The following KIAA1217 variants were observed in gnomAD, a reference collection of about 807,000 sequenced individuals.
The protein encoded by KIAA1217 is sickle tail protein homolog.
In KIAA1217, 88 loss-of-function variants were observed where a neutral mutation model predicts 163.9. The ratio of observed to expected loss-of-function variants is 0.54; its 90% confidence interval spans 0.45 to 0.64. The LOEUF (loss-of-function observed/expected upper bound fraction) is 0.64. Ranked by LOEUF, KIAA1217 falls within the 30% of genes least tolerant of loss-of-function variation. The pLI is 0.00. For synonymous variants in KIAA1217, 903 were observed against 923.1 expected (o/e 0.98, Z 0.39); for missense variants, 2,372 against 2,475.0 (o/e 0.96, Z 0.88).
At chr10:24,239,065 T>G in intron 2 of KIAA1217, 1 of 728,144 alleles carries the variant, frequency 1.4e-6, no homozygotes, top group Non-Finnish European at 1.7e-6. Context: ...AGGGTTTCCA[T>G]GGAGATTTAT....
intron 1 of KIAA1217, among the ~76,000 whole-genome samples, chr10:23,853,816 C>T (rs546585892): frequency 0.013 from 1,960 of 151,994 alleles, 58 homozygotes; most frequent in African/African-American, 0.045. Context: ...GTGTTTATAG[C>T]ATTCTCTGAT....
At chr10:23,776,355 TA>T (rs3067425) in intron 1 of KIAA1217, among the ~76,000 whole-genome samples, 42,399 of 150,646 alleles carry the variant, frequency 0.28, 6,476 homozygotes, top group African/African-American at 0.39. Flanking sequence ...TATATATATA[TA>T]TATTTACAAT....
chr10:23,957,290 C>T (rs1844610351), intron 1 of KIAA1217, among the ~76,000 whole-genome samples: 1 of 152,198 alleles, frequency 6.6e-6, no homozygotes, highest in Non-Finnish European at 1.5e-5. Flanking sequence ...TCGTTTCCTC[C>T]AACAAGCCCT....
intron 1 of KIAA1217, among the ~76,000 whole-genome samples, chr10:23,934,684 T>C (rs1386288938): frequency 6.9e-6 from 1 of 144,506 alleles, no homozygotes; most frequent in Non-Finnish European, 1.5e-5. Context: ...GTGGCACAAT[T>C]TCGGCTCACT....
At chr10:23,932,228 G>C (rs1390293035) in intron 1 of KIAA1217, among the ~76,000 whole-genome samples, 1 of 152,096 alleles carries the variant, frequency 6.6e-6, no homozygotes, top group Non-Finnish European at 1.5e-5. Flanking sequence ...TGGAGAAAGG[G>C]GTTGATATTC....
chr10:23,791,930 T>C (rs376532160), intron 1 of KIAA1217, among the ~76,000 whole-genome samples: 35 of 152,330 alleles, frequency 2.3e-4, no homozygotes, highest in African/African-American at 8.4e-4. Flanking sequence ...TAATTTATAC[T>C]TCCAATTTTA....
intron 1 of KIAA1217, among the ~76,000 whole-genome samples, chr10:23,908,700 T>C (rs1842290532): frequency 6.6e-6 from 1 of 152,130 alleles, no homozygotes; most frequent in Admixed American, 6.6e-5. Flanking sequence ...CACAATGCAG[T>C]ACCACCTTAC....
intron 2 of KIAA1217, among the ~76,000 whole-genome samples, chr10:24,082,703 C>T (rs1467521926): frequency 1.3e-5 from 2 of 152,180 alleles, no homozygotes; most frequent in Non-Finnish European, 2.9e-5. Flanking sequence ...CTGCAATGAA[C>T]ATATGTGTGC....
chr10:24,213,987 C>CAA (rs5783880), intron 1 of KIAA1217, among the ~76,000 whole-genome samples: 237 of 150,566 alleles, frequency 1.6e-3, no homozygotes, highest in African/African-American at 5.4e-3. Context: ...CCCATCTCTA[C>CAA]AAAAAAAAAT....
chr10:24,103,826 A>G (rs1589510450), intron 2 of KIAA1217, among the ~76,000 whole-genome samples: 1 of 152,340 alleles, frequency 6.6e-6, no homozygotes, highest in Non-Finnish European at 1.5e-5. Context: ...CTTACTTTCA[A>G]GCAACAGTAA....
At chr10:23,986,647 A>G (rs1289469719) in intron 1 of KIAA1217, among the ~76,000 whole-genome samples, 4 of 152,168 alleles carry the variant, frequency 2.6e-5, no homozygotes, top group African/African-American at 4.8e-5. Flanking sequence ...CTGTGAATAC[A>G]GAAGGCCAAC....
intron 2 of KIAA1217, among the ~76,000 whole-genome samples, chr10:24,240,598 A>G (rs969524654): frequency 3.9e-5 from 6 of 152,220 alleles, no homozygotes; most frequent in Non-Finnish European, 7.3e-5. Context: ...TAGTGGCTGT[A>G]TAACTAGAGG....
chr10:24,187,918 C>T (rs1227767242), intron 2 of KIAA1217, among the ~76,000 whole-genome samples: 2 of 151,994 alleles, frequency 1.3e-5, no homozygotes, highest in Admixed American at 1.3e-4. Flanking sequence ...AGGCAATAGG[C>T]CGGGTGCAGT....
At chr10:24,058,957 C>A (rs2060622291) in intron 2 of KIAA1217, among the ~76,000 whole-genome samples, 1 of 151,950 alleles carries the variant, frequency 6.6e-6, no homozygotes, top group Non-Finnish European at 1.5e-5. Flanking sequence ...TTGTCTTCCT[C>A]CTGATCTTAG....
At chr10:24,197,532 C>A (rs187613958) in intron 2 of KIAA1217, among the ~76,000 whole-genome samples, 1 of 152,334 alleles carries the variant, frequency 6.6e-6, no homozygotes, top group Admixed American at 6.5e-5. Context: ...AGAACTGAGG[C>A]GGAATGTTGA....
At chr10:23,759,066 C>T (rs1228542248) in intron 1 of KIAA1217, among the ~76,000 whole-genome samples, 2 of 152,116 alleles carry the variant, frequency 1.3e-5, no homozygotes, top group Non-Finnish European at 2.9e-5. Flanking sequence ...GAAATCTTTC[C>T]ACTTATTTAT....
At chr10:24,175,593 T>G (rs1405669893) in intron 2 of KIAA1217, among the ~76,000 whole-genome samples, 2 of 152,180 alleles carry the variant, frequency 1.3e-5, no homozygotes, top group African/African-American at 4.8e-5. Context: ...AATTGGTGGG[T>G]TCTTGGGCTC....
intron 2 of KIAA1217, among the ~76,000 whole-genome samples, chr10:24,068,628 C>G (rs1235756441): frequency 6.6e-6 from 1 of 152,200 alleles, no homozygotes; most frequent in Non-Finnish European, 1.5e-5. Context: ...ATGACATCAA[C>G]CCAGCTAAAA....
intron 1 of KIAA1217, among the ~76,000 whole-genome samples, chr10:23,757,349 G>T (rs1833972158): frequency 6.6e-6 from 1 of 151,752 alleles, no homozygotes; most frequent in Non-Finnish European, 1.5e-5. Context: ...ATTGCACAAG[G>T]GTTCTAATTT....
Sources: gnomAD v4.1 joint callset for allele counts (sites outside exome capture counted in the v4.1 genomes callset) on GRCh38, gnomAD v4.1.1 for gene constraint, MANE v1.5 for transcripts, NCBI Gene and HGNC (gene_info 2026-07-23, HGNC 2026-07-21) for gene names.